The following DGLUCY variants were observed in gnomAD, a reference collection of about 807,000 sequenced individuals.
DGLUCY encodes D-glutamate cyclase, mitochondrial.
Under a neutral mutation model 58.5 loss-of-function variants are expected in DGLUCY, and 58 were observed. That is an observed-to-expected ratio of 0.99 (90% CI 0.80 to 1.23). The LOEUF is 1.23. Ranked by LOEUF, DGLUCY falls within the 50% of genes most tolerant of loss-of-function variation. The pLI, the probability that DGLUCY is intolerant of heterozygous loss-of-function variation, is 0.00. For missense variants in DGLUCY, 779 were observed against 784.7 expected, an observed-to-expected ratio of 0.99 and a Z score of 0.09; for synonymous variants, 325 against 314.1, an observed-to-expected ratio of 1.03 and a Z score of -0.37.
chr14:91,104,645 T>G (rs189720211), upstream of DGLUCY, among the ~76,000 whole-genome samples: 3 of 152,318 alleles, frequency 2.0e-5, no homozygotes, highest in African/African-American at 7.2e-5. Context: ...CACTTCTCTC[T>G]TCTGGTTTTC....
At chr14:91,167,047 G>A (rs2048323979) in intron 3 of DGLUCY, among the ~76,000 whole-genome samples, 178 bp from the exon 4 acceptor site, 1 of 151,794 alleles carries the variant, frequency 6.6e-6, no homozygotes, top group South Asian at 2.1e-4. Context: ...GCTGAGGCAG[G>A]AGAATTGCTT....
chr14:91,088,694 C>T (rs1268166169), intron 1 of DGLUCY, among the ~76,000 whole-genome samples: 2 of 152,188 alleles, frequency 1.3e-5, no homozygotes, highest in Non-Finnish European at 2.9e-5. Context: ...TTGCTGCAGG[C>T]CACGGTGACC....
chr14:91,110,170 G>T (rs1195892670), upstream of DGLUCY, among the ~76,000 whole-genome samples: 1 of 152,188 alleles, frequency 6.6e-6, no homozygotes, highest in Non-Finnish European at 1.5e-5. Flanking sequence ...GACACCAGCT[G>T]AATATTGTAA....
intron 2 of DGLUCY, among the ~76,000 whole-genome samples, chr14:91,159,316 A>C (rs2047846369): frequency 1.3e-5 from 2 of 152,066 alleles, no homozygotes; most frequent in African/African-American, 4.8e-5. Flanking sequence ...GTGTCGTGGC[A>C]CATACCTGTA....
chr14:91,180,032 C>A (rs974162919), intron 7 of DGLUCY, among the ~76,000 whole-genome samples: 3 of 150,024 alleles, frequency 2.0e-5, no homozygotes, highest in Admixed American at 6.7e-5. Context: ...GCTGGGATTA[C>A]AGGCGCACCA....
At chr14:91,093,985 T>C (rs1878924000) in intron 1 of DGLUCY, among the ~76,000 whole-genome samples, 1 of 152,054 alleles carries the variant, frequency 6.6e-6, no homozygotes, top group South Asian at 2.1e-4. Flanking sequence ...TTAACAGGTA[T>C]AGGGTTTCCA....
intron 3 of DGLUCY, among the ~76,000 whole-genome samples, chr14:91,161,492 A>G (rs1176891428): frequency 6.6e-6 from 1 of 152,234 alleles, no homozygotes; most frequent in East Asian, 1.9e-4. Flanking sequence ...AGACCATCCA[A>G]GATGGCTTCT....
intron 1 of DGLUCY, among the ~76,000 whole-genome samples, chr14:91,097,996 A>T (rs1370797061): frequency 1.3e-5 from 2 of 152,170 alleles, no homozygotes; most frequent in Admixed American, 6.5e-5. Flanking sequence ...GCCAATGTTC[A>T]TAATATAAAT....
chr14:91,113,710 T>A (rs1459053300), upstream of DGLUCY, among the ~76,000 whole-genome samples: 3 of 152,188 alleles, frequency 2.0e-5, no homozygotes, highest in African/African-American at 7.2e-5. Context: ...CCCTAGATCT[T>A]CTGGATCAAG....
At chr14:91,125,529 T>A (rs1007064551) in intron 1 of DGLUCY, 1 of 152,288 alleles carries the variant, frequency 6.6e-6, no homozygotes, top group Non-Finnish European at 1.5e-5. Flanking sequence ...CTTTCTTCTC[T>A]GTTGGCTTCC....
chr14:91,120,102 C>T (rs1347756582), intron 1 of DGLUCY, among the ~76,000 whole-genome samples: 9 of 152,114 alleles, frequency 5.9e-5, no homozygotes. Context: ...GTCAATACTC[C>T]TTAATAAACT....
upstream of DGLUCY, among the ~76,000 whole-genome samples, chr14:91,109,852 A>G (rs1566943795): frequency 6.6e-6 from 1 of 152,228 alleles, no homozygotes; most frequent in Non-Finnish European, 1.5e-5. Context: ...AGTCCATAAT[A>G]TTCCCCATTG....
intron 8 of DGLUCY, among the ~76,000 whole-genome samples, chr14:91,183,617 A>G (rs1162497897): frequency 6.6e-6 from 1 of 152,168 alleles, no homozygotes; most frequent in Non-Finnish European, 1.5e-5. Context: ...GCAAGCATTT[A>G]TGCGTTTCAT....
At chr14:91,219,538 A>G (rs1887115902) in intron 13 of DGLUCY, among the ~76,000 whole-genome samples, 1 of 152,188 alleles carries the variant, frequency 6.6e-6, no homozygotes, top group Non-Finnish European at 1.5e-5. Context: ...TGGGGCAGAG[A>G]AATGTCCCAC....
intron 1 of DGLUCY, among the ~76,000 whole-genome samples, chr14:91,062,186 T>A (rs1261652135): frequency 2.6e-5 from 4 of 152,180 alleles, no homozygotes; most frequent in Admixed American, 2.6e-4. Flanking sequence ...ACATTGAAAT[T>A]TGAATTTCAC....
At chr14:91,129,931 G>C (rs949266727) in intron 1 of DGLUCY, among the ~76,000 whole-genome samples, 1 of 152,212 alleles carries the variant, frequency 6.6e-6, no homozygotes, top group African/African-American at 2.4e-5. Flanking sequence ...ACAGGCATGA[G>C]CTACCGTGCC....
At chr14:91,084,436 C>T (rs141385390) in intron 1 of DGLUCY, among the ~76,000 whole-genome samples, 8 of 152,152 alleles carry the variant, frequency 5.3e-5, no homozygotes, top group African/African-American at 1.9e-4. Flanking sequence ...ATCTCCTGAC[C>T]TCAAGTGACC....
At chr14:91,173,463 A>G (rs2048684795) in intron 6 of DGLUCY, 24 bp downstream of exon 6, 2 of 1,573,364 alleles carry the variant, frequency 1.3e-6, no homozygotes, top group Non-Finnish European at 8.6e-7. Flanking sequence ...GCTCCTGCCC[A>G]TGATCTTCCT....
chr14:91,167,230 C>T lies in DGLUCY; in HGVS notation c.109C>T (p.Arg37Ter), dbSNP rs759221974. Reference sequence around the variant, plus strand: ...CCTTCTCCCACCATACCCAGAGCTCCGACCAGCCAGCCTGGTGGTCCTGCC... The same window carrying T: ...CCTTCTCCCACCATACCCAGAGCTCTGACCAGCCAGCCTGGTGGTCCTGCC... ...RNTSSMAGEL[R>*]PASLVVLPRS... The change falls in exon 4 of 14, where the codon CGA (arginine) becomes TGA (stop). Residue 37 changes from arginine to a stop codon, truncating the protein, a stop_gained. Transcript: ENST00000256324. LOFTEE classifies it high-confidence loss of function. The T allele has an allele frequency of 2.6e-5, 41 of 1,587,988 alleles. No homozygotes were observed. The highest frequency in any genetic ancestry group is 1.5e-4 in the South Asian group (13 of 86,802).
Sources: allele counts gnomAD v4.1 joint callset (sites outside exome capture counted in the v4.1 genomes callset), GRCh38; gene constraint gnomAD v4.1.1; transcripts MANE v1.5; gene names NCBI Gene and HGNC (gene_info 2026-07-23, HGNC 2026-07-21).